SCUBE1: variants seen among roughly 807,000 people sequenced by gnomAD.
The protein encoded by SCUBE1 is signal peptide, CUB domain and EGF like domain containing 1, also known as signal peptide, CUB and EGF-like domain-containing protein 1.
Under a neutral mutation model 124.4 loss-of-function variants are expected in SCUBE1, and 59 were observed. The ratio of observed to expected loss-of-function variants is 0.47; its 90% CI spans 0.38 to 0.59. The LOEUF is 0.59. SCUBE1 is among the 20% of genes least tolerant of loss of function. The pLI is 0.00. For missense variants in SCUBE1, 1,150 were observed against 1,371.2 expected (o/e 0.84, Z 2.55); for synonymous variants, 545 against 550.9 (o/e 0.99, Z 0.15).
chr22:43,270,094 T>C (rs926693891), intron 4 of SCUBE1: 4 of 152,234 alleles, frequency 2.6e-5, no homozygotes, highest in Admixed American at 2.6e-4. Flanking sequence ...TTTTTGGGCA[T>C]TGACATGATG....
chr22:43,291,028 A>C lies in SCUBE1; in HGVS notation c.484+18T>G. Reference sequence around the variant, plus strand: ...ATCCTGGGGGGGGACATGCCTGGTCAGCATAGGCTGTACTCACCATTGGAG... The same window carrying C: ...ATCCTGGGGGGGGACATGCCTGGTCCGCATAGGCTGTACTCACCATTGGAG... On this transcript the variant is annotated intron_variant, in intron 4 of 21. Coordinates refer to ENST00000360835, the MANE Select transcript of SCUBE1 (RefSeq NM_173050.5). The C allele has an allele frequency of 6.4e-7, 1 of 1,568,780 alleles. No homozygotes were observed. Among genetic ancestry groups the C allele is most frequent in the South Asian group, 1.1e-5 (1 of 86,982 alleles).
chr22:43,242,982 C>T (rs960393963), intron 6 of SCUBE1, among the ~76,000 whole-genome samples: 1 of 152,204 alleles, frequency 6.6e-6, no homozygotes. Context: ...ATTTGTGGAA[C>T]CCAGCGCAAA....
rs1921042708 is a variant in SCUBE1 at position 43,202,429 on chromosome 22, T to G, written c.*1568A>C. 1 of 152,190 alleles carries G rather than the reference T, an allele frequency of 6.6e-6. No homozygotes were observed. Among genetic ancestry groups the G allele is most frequent in the Non-Finnish European group, 1.5e-5 (1 of 68,024 alleles). The allele number at this position is 152,190 out of a possible 1,614,324, so 9.4% of individuals were successfully genotyped here. ...TTGGGATTTTCAGTATTTGTTAACC[T>G]GAAACACACAGACCATTTCCCATGC... On this transcript the variant is annotated 3_prime_UTR_variant, in exon 22 of 22. Transcript: ENST00000360835.
rs114767309 is a variant in SCUBE1 at position 43,252,642 on chromosome 22, A to T, written c.727+5577T>A. On this transcript the variant is annotated intron_variant, in intron 6 of 21. Transcript: ENST00000360835. The stretch of plus-strand genomic sequence containing the variant: ...CAGGCTGCCCACAGGCTCAGGATCT[A>T]CTGGGACGAACTGCCCGTGATCTCT... 3.7e-3 allele frequency among the ~76,000 whole-genome samples: 567 copies of T among 152,282 alleles called. 3 individuals carry two copies. The highest frequency in any genetic ancestry group is 0.013 in the African/African-American group (547 of 41,554).
intron 2 of SCUBE1, among the ~76,000 whole-genome samples, chr22:43,329,616 A>G (rs1926840098): frequency 6.6e-6 from 1 of 152,204 alleles, no homozygotes; most frequent in African/African-American, 2.4e-5. Context: ...GTGGGGAGTG[A>G]TCAACGCCAG....
At chr22:43,268,394 A>G in intron 4 of SCUBE1, among the ~76,000 whole-genome samples, 1 of 152,344 alleles carries the variant, frequency 6.6e-6, no homozygotes, top group East Asian at 1.9e-4. Flanking sequence ...AGAATTTCAG[A>G]GTCATTCCCA....
At position 43,343,208 on chromosome 22, in the gene SCUBE1, T is replaced by G. The variant is rs1030643179; in HGVS notation, c.54A>C (p.Thr18=). 2.5e-6 allele frequency: 3 copies of G among 1,207,108 alleles called. No individual in the cohort carries two copies. Among genetic ancestry groups the G allele is most frequent in the Non-Finnish European group, 3.1e-6 (3 of 966,710 alleles). The allele number at this position is 1,207,108 out of a possible 1,614,324, so 74.8% of individuals were successfully genotyped here. The change falls in exon 1 of 22, where the codon ACA becomes ACC. Residue 18 remains threonine, a synonymous_variant. Coordinates refer to ENST00000360835, the MANE Select transcript of SCUBE1 (RefSeq NM_173050.5). ...WHLCVLLALG[T]RGRLAGGSGL... Reference sequence around the variant, plus strand: ...CGCTGCCCCCGGCCAGCCGCCCGCGTGTGCCCAGGGCCAGCAGCACGCACA... The same window carrying G: ...CGCTGCCCCCGGCCAGCCGCCCGCGGGTGCCCAGGGCCAGCAGCACGCACA...
intron 3 of SCUBE1, among the ~76,000 whole-genome samples, chr22:43,298,621 C>G (rs552702584): frequency 1.3e-5 from 2 of 152,332 alleles, no homozygotes; most frequent in South Asian, 4.1e-4. Context: ...TGCTGTGCAT[C>G]TCTAGGGAAG....
intron 3 of SCUBE1, among the ~76,000 whole-genome samples, chr22:43,311,086 A>G (rs1324664779): frequency 6.6e-6 from 1 of 152,206 alleles, no homozygotes; most frequent in Non-Finnish European, 1.5e-5. Context: ...GCCTTGATAC[A>G]TATTGAGGTG....
At chr22:43,295,839 AGGGCACT>A (rs1331030666) in intron 3 of SCUBE1, among the ~76,000 whole-genome samples, 1 of 152,222 alleles carries the variant, frequency 6.6e-6, no homozygotes, top group Non-Finnish European at 1.5e-5. Context: ...ACCAAGCTCC[AGGGCACT>A]GGGCCAGAGC....
intron 4 of SCUBE1, among the ~76,000 whole-genome samples, chr22:43,285,194 C>G (rs1025743570): frequency 6.6e-6 from 1 of 152,120 alleles, no homozygotes. Flanking sequence ...TGTCTGGCCC[C>G]CTGCCTGGCC....
At chr22:43,340,234 C>A (rs529713233) in intron 1 of SCUBE1, among the ~76,000 whole-genome samples, 10 of 152,110 alleles carry the variant, frequency 6.6e-5, no homozygotes, top group Middle Eastern at 6.8e-3. Flanking sequence ...CTAACCTGAG[C>A]CCATCCATGG....
At chr22:43,233,404 C>CG (rs2146680802) in intron 7 of SCUBE1, 1 of 152,326 alleles carries the variant, frequency 6.6e-6, no homozygotes, top group South Asian at 2.1e-4. Flanking sequence ...CCTTTCACGA[C>CG]GGTGGTCTCA....
chr22:43,320,805 T>A (rs1926517360), intron 2 of SCUBE1, among the ~76,000 whole-genome samples: 1 of 152,204 alleles, frequency 6.6e-6, no homozygotes, highest in Non-Finnish European at 1.5e-5. Flanking sequence ...TAAAACCTTG[T>A]GGAAGGTCAC....
At chr22:43,262,884 G>C (rs776207407) in intron 4 of SCUBE1, 39 bp from the exon 5 acceptor site, 14 of 1,591,622 alleles carry the variant, frequency 8.8e-6, no homozygotes, top group Non-Finnish European at 1.2e-5. Context: ...TTGAAGACCA[G>C]GCAGAGAGGG....
intron 6 of SCUBE1, among the ~76,000 whole-genome samples, chr22:43,245,419 C>T (rs916261): frequency 0.077 from 11,726 of 152,250 alleles, 541 homozygotes; most frequent in Non-Finnish European, 0.11. Context: ...TGCCTGGGGA[C>T]ACGCTGGTGA....
intron 2 of SCUBE1, among the ~76,000 whole-genome samples, chr22:43,327,425 GCTGAAGA>G (rs939393449): frequency 6.6e-6 from 1 of 152,194 alleles, no homozygotes; most frequent in African/African-American, 2.4e-5. Context: ...CACTGGAAGG[GCTGAAGA>G]CTTGCGGGGT....
chr22:43,273,230 T>C (rs1431464125), intron 4 of SCUBE1, among the ~76,000 whole-genome samples: 2 of 152,196 alleles, frequency 1.3e-5, no homozygotes, highest in Non-Finnish European at 2.9e-5. Flanking sequence ...GAGCTGGGAC[T>C]GTGATTGGCT....
chr22:43,266,011 G>C (rs1439716853), intron 4 of SCUBE1, among the ~76,000 whole-genome samples: 1 of 152,162 alleles, frequency 6.6e-6, no homozygotes, highest in Non-Finnish European at 1.5e-5. Flanking sequence ...TGAGGCAGAA[G>C]AATTGCTTGA....
Sources: allele counts gnomAD v4.1 joint callset (sites outside exome capture counted in the v4.1 genomes callset), GRCh38; gene constraint gnomAD v4.1.1; transcripts MANE v1.5; gene names NCBI Gene and HGNC (gene_info 2026-07-23, HGNC 2026-07-21).